BRD10: variants seen among roughly 807,000 people sequenced by gnomAD.
BRD10 encodes the protein uncharacterized bromodomain-containing protein 10.
At chr9:5,957,787 C>A in the BRD10 span, among the ~76,000 whole-genome samples, 1 of 151,930 alleles carries the variant, frequency 6.6e-6, no homozygotes, top group African/African-American at 2.4e-5. Context: ...ATCAGCACTT[C>A]AAAAAAATTA....
the BRD10 span, among the ~76,000 whole-genome samples, chr9:5,897,124 T>C: frequency 6.6e-6 from 1 of 152,246 alleles, no homozygotes; most frequent in Admixed American, 6.5e-5. Context: ...CTAATGAATG[T>C]TTAGCACAGC....
the BRD10 span, among the ~76,000 whole-genome samples, chr9:5,916,484 T>C: frequency 6.6e-6 from 1 of 150,482 alleles, no homozygotes; most frequent in South Asian, 2.1e-4. Flanking sequence ...ATTACACATG[T>C]ATGTGTGTAT....
the BRD10 span, among the ~76,000 whole-genome samples, chr9:5,942,338 A>G: frequency 6.6e-6 from 1 of 152,336 alleles, no homozygotes; most frequent in African/African-American, 2.4e-5. Flanking sequence ...TTTACATTTC[A>G]GTTATCTAGA....
At chr9:5,972,524 A>G in the BRD10 span, among the ~76,000 whole-genome samples, 1 of 149,980 alleles carries the variant, frequency 6.7e-6, no homozygotes, top group Non-Finnish European at 1.5e-5. Context: ...TCTCATGAAT[A>G]GCTTGGTCCC....
At chr9:5,919,538 AT>A in the BRD10 span, 5 of 695,512 alleles carry the variant, frequency 7.2e-6, no homozygotes, top group Non-Finnish European at 1.1e-5. Context: ...GAAAAGATAC[AT>A]TAAAACACAC....
At chr9:5,884,203 G>A in the BRD10 span, among the ~76,000 whole-genome samples, 1 of 152,152 alleles carries the variant, frequency 6.6e-6, no homozygotes, top group Admixed American at 6.5e-5. Flanking sequence ...AACAATACAG[G>A]TAATCCTCAT....
the BRD10 span, chr9:5,921,779 A>G: frequency 1.2e-6 from 2 of 1,613,866 alleles, no homozygotes; most frequent in Non-Finnish European, 8.5e-7. Flanking sequence ...TGATGGTAGT[A>G]GAGTACTAGA....
chr9:5,904,837 G>A, the BRD10 span, among the ~76,000 whole-genome samples: 4 of 150,484 alleles, frequency 2.7e-5, no homozygotes, highest in Non-Finnish European at 5.9e-5. Context: ...GCAGTGGTAT[G>A]ATCTGGGCTC....
At chr9:5,938,846 A>G in the BRD10 span, among the ~76,000 whole-genome samples, 2 of 152,212 alleles carry the variant, frequency 1.3e-5, no homozygotes, top group Middle Eastern at 6.3e-3. Flanking sequence ...TGTGACTGTT[A>G]AAACCCTAAA....
the BRD10 span, among the ~76,000 whole-genome samples, chr9:5,942,583 T>A: frequency 1.3e-5 from 2 of 152,206 alleles, no homozygotes; most frequent in Non-Finnish European, 2.9e-5. Flanking sequence ...GGCTGTTTCA[T>A]TGGTTAAGAT....
At chr9:6,007,178 G>C in the BRD10 span, 1 of 1,606,888 alleles carries the variant, frequency 6.2e-7, no homozygotes, top group Non-Finnish European at 8.5e-7. Flanking sequence ...GTCCCACCGG[G>C]GACCGGGCTC....
chr9:5,944,967 T>C, the BRD10 span: 2 of 1,454,818 alleles, frequency 1.4e-6, no homozygotes, highest in East Asian at 2.5e-5. Flanking sequence ...TAAGCTAAAA[T>C]AAAACACAAA....
At chr9:5,963,476 C>G in the BRD10 span, among the ~76,000 whole-genome samples, 3 of 146,120 alleles carry the variant, frequency 2.1e-5, no homozygotes, top group East Asian at 2.0e-4. Flanking sequence ...AATGGCCATA[C>G]TGCCCAAGGT....
At chr9:5,962,741 A>C in the BRD10 span, among the ~76,000 whole-genome samples, 1 of 51,280 alleles carries the variant, frequency 2.0e-5, no homozygotes, top group African/African-American at 7.6e-5. Flanking sequence ...CTGGGATGCA[A>C]GGCTGGTTCA....
the BRD10 span, chr9:5,881,712 C>T: frequency 1.3e-5 from 2 of 152,286 alleles, no homozygotes; most frequent in South Asian, 4.1e-4. Flanking sequence ...GTGATGGTGA[C>T]TGGGTAGGGA....
At chr9:6,007,854 G>T in the BRD10 span, 32 of 1,376,442 alleles carry the variant, frequency 2.3e-5, no homozygotes, top group South Asian at 3.3e-5. Flanking sequence ...GCGTGAGCGC[G>T]AGCCGCTTCC....
At chr9:5,977,148 C>T in the BRD10 span, among the ~76,000 whole-genome samples, 2 of 152,164 alleles carry the variant, frequency 1.3e-5, no homozygotes, top group Non-Finnish European at 2.9e-5. Context: ...AAAGTTAGCA[C>T]CAACTGACTT....
At chr9:5,900,578 G>A in the BRD10 span, among the ~76,000 whole-genome samples, 4 of 152,092 alleles carry the variant, frequency 2.6e-5, no homozygotes, top group Non-Finnish European at 5.9e-5. Context: ...CATTAAATAT[G>A]AGCTTTGGGC....
chr9:5,926,382 A>T, the BRD10 span, among the ~76,000 whole-genome samples: 4 of 152,014 alleles, frequency 2.6e-5, no homozygotes, highest in Non-Finnish European at 5.9e-5. Context: ...ATCTTGGCTC[A>T]CTGTAACCTC....
Sources: gnomAD v4.1 joint callset for allele counts (sites outside exome capture counted in the v4.1 genomes callset) on GRCh38, gnomAD v4.1.1 for gene constraint, MANE v1.5 for transcripts, NCBI Gene and HGNC (gene_info 2026-07-23, HGNC 2026-07-21) for gene names.